The following SNED1 variants were observed in gnomAD, a reference collection of about 807,000 sequenced individuals.
SNED1 encodes the protein sushi, nidogen and EGF like domains 1.
Under a neutral mutation model 166.7 loss-of-function variants are expected in SNED1, and 81 were observed. That is an observed-to-expected ratio of 0.49 (90% CI 0.41 to 0.58). The LOEUF is 0.58. Among genes scored for constraint, SNED1 ranks in the 20% least tolerant of loss-of-function variants. The probability of loss-of-function intolerance (pLI) is 0.00; values close to 1 mark genes in which losing one functional copy is unlikely to be tolerated. For missense variants in SNED1, 1,604 were observed against 2,000.2 expected (o/e 0.80, Z 3.78); for synonymous variants, 762 against 822.0 (o/e 0.93, Z 1.25).
chr2:241,037,528 A>G (rs147453991), intron 6 of SNED1, among the ~76,000 whole-genome samples, 175 bp downstream of exon 6: 162 of 152,278 alleles, frequency 1.1e-3, no homozygotes, highest in African/African-American at 3.7e-3. Flanking sequence ...GGAAAGGCCC[A>G]TATCTGGGTA....
chr2:241,020,831 G>A (rs1317986494), intron 1 of SNED1, among the ~76,000 whole-genome samples: 1 of 152,140 alleles, frequency 6.6e-6, no homozygotes, highest in Non-Finnish European at 1.5e-5. Context: ...CACTGTTTCT[G>A]CAGAAGGGAC....
At chr2:241,057,520 A>G (rs1053429928) in intron 16 of SNED1, among the ~76,000 whole-genome samples, 2 of 150,764 alleles carry the variant, frequency 1.3e-5, no homozygotes, top group East Asian at 3.9e-4. Flanking sequence ...CCAACTCTAC[A>G]AAAAACTTTA....
At position 241,091,701 on chromosome 2, in the gene SNED1, G is replaced by A. The variant is rs889345882; in HGVS notation, c.*65G>A. The stretch of plus-strand genomic sequence containing the variant: ...AGTTTCTAACACCCAGGAAGATGAG[G>A]TCTAAAAACTGGATGAAAAAGGACA... On this transcript the variant is annotated 3_prime_UTR_variant, in exon 32 of 32. Transcript: ENST00000310397. This position sits in a 1 kb window ranked among gnomAD's most constrained non-coding sequence, Gnocchi z 4.1. The A allele has an allele frequency of 2.6e-5, 4 of 152,238 alleles. No homozygotes were observed. Among genetic ancestry groups the A allele is most frequent in the Admixed American group, 6.5e-5 (1 of 15,278 alleles). 9.4% of individuals were successfully genotyped at this position (152,238 alleles called of 1,614,324 possible).
chr2:241,025,187 A>ATT (rs2060918502), intron 1 of SNED1, among the ~76,000 whole-genome samples: 1 of 152,208 alleles, frequency 6.6e-6, no homozygotes, highest in African/African-American at 2.4e-5. Context: ...TAATAGGAGC[A>ATT]CAAACCCTAT....
At chr2:241,029,608 C>T (rs1283854903) in intron 1 of SNED1, among the ~76,000 whole-genome samples, 8 of 152,216 alleles carry the variant, frequency 5.3e-5, no homozygotes, top group African/African-American at 1.7e-4. Flanking sequence ...ACAGAGAGGT[C>T]GGCAGCTGAA....
At chr2:241,024,684 A>ATTTTATTTT (rs1214937392) in intron 1 of SNED1, among the ~76,000 whole-genome samples, 1 of 30,530 alleles carries the variant, frequency 3.3e-5, no homozygotes, top group African/African-American at 2.4e-4. Flanking sequence ...TATTTTATTT[A>ATTTTATTTT]TTTTTGAGAC....
chr2:241,032,625 A>C (rs1023297465), intron 2 of SNED1, among the ~76,000 whole-genome samples: 1 of 152,212 alleles, frequency 6.6e-6, no homozygotes, highest in South Asian at 2.1e-4. Flanking sequence ...CCTAGAACTT[A>C]AAGTATAATA....
Position 241,073,707 on chromosome 2 carries a change from A to G in SNED1, c.3916+343A>G. The G allele has an allele frequency of 2.3e-6, 1 of 437,820 alleles. No homozygotes were observed. Among genetic ancestry groups the G allele is most frequent in the South Asian group, 6.1e-5 (1 of 16,340 alleles). The allele number at this position is 437,820 out of a possible 1,614,324, so 27.1% of individuals were successfully genotyped here. On this transcript the variant is annotated intron_variant, in intron 27 of 31. Transcript: ENST00000310397. The surrounding 1 kb of genome is among the most constrained non-coding windows in gnomAD (Gnocchi z 6.6). ...CCCAGCCCCTGCCTCTGGGCCCCTCACCCCTCACTTCTCCAAAGAGGAGCA... is the reference window on the plus strand; with the variant it reads ...CCCAGCCCCTGCCTCTGGGCCCCTCGCCCCTCACTTCTCCAAAGAGGAGCA...
At chr2:241,040,466 T>C in intron 8 of SNED1, 53 bp downstream of exon 8, 1 of 1,166,634 alleles carries the variant, frequency 8.6e-7, no homozygotes, top group Non-Finnish European at 1.2e-6. Flanking sequence ...CTTTGTGCCG[T>C]GAACACCCCC....
rs2064085774 is a variant in SNED1 at position 241,092,372 on chromosome 2, C to A, written c.*736C>A. 1.3e-5 allele frequency: 2 copies of A among 152,166 alleles called. No individual in the cohort carries two copies. Among genetic ancestry groups the A allele is most frequent in the East Asian group, 1.9e-4 (1 of 5,188 alleles). 9.4% of individuals were successfully genotyped at this position (152,166 alleles called of 1,614,324 possible). A position where few individuals can be genotyped will look rare whatever the true frequency, so the allele number is the denominator to read the frequency against. ...TGTGGCTACAGTAGCGCAGACACAGCCACAGGCATGTCATTGAATGGCTGC... is the reference window on the plus strand; with the variant it reads ...TGTGGCTACAGTAGCGCAGACACAGACACAGGCATGTCATTGAATGGCTGC... On this transcript the variant is annotated 3_prime_UTR_variant, in exon 32 of 32. Transcript: ENST00000310397. The surrounding 1 kb of genome is among the most constrained non-coding windows in gnomAD (Gnocchi z 4.6).
At chr2:241,067,375 C>T (rs969436192) in intron 21 of SNED1, among the ~76,000 whole-genome samples, 3 of 152,222 alleles carry the variant, frequency 2.0e-5, no homozygotes, top group South Asian at 2.1e-4. Flanking sequence ...AGACCAGGCC[C>T]GGATGTGTGC....
Position 241,049,033 on chromosome 2 carries a change from A to G in SNED1, c.1516A>G (p.Met506Val), listed in dbSNP as rs1574983252. ...GLLCEFEITAMPCNMNTQCPD... is the reference protein window; with the variant it reads ...GLLCEFEITAVPCNMNTQCPD... Reference sequence around the variant, plus strand: ...TCCTTTCTCTCTAGAAATCACAGCCATGCCCTGCAACATGAACACACAGTG... The same window carrying G: ...TCCTTTCTCTCTAGAAATCACAGCCGTGCCCTGCAACATGAACACACAGTG... The change falls in exon 11 of 32, where the codon ATG (methionine) becomes GTG (valine). Residue 506 changes from methionine (M) to valine (V), a missense_variant. Transcript: ENST00000310397. The G allele has an allele frequency of 6.2e-7, 1 of 1,612,884 alleles. No individual in the cohort carries two copies. Among genetic ancestry groups the G allele is most frequent in the South Asian group, 1.1e-5 (1 of 90,828 alleles).
At position 241,014,296 on chromosome 2, in the gene SNED1, A is replaced by G. The variant is rs139980489; in HGVS notation, c.213+15246A>G. Among the ~76,000 whole-genome samples the G allele has an allele frequency of 3.9e-3, 597 of 152,288 alleles. 3 individuals carry two copies. The highest frequency in any genetic ancestry group is 0.013 in the African/African-American group (560 of 41,538). ...AGGTGTGAGCCACCATGCCAGGCCT[A>G]GACTACTCTTAACAATGCTGTTTGT... On this transcript the variant is annotated intron_variant, in intron 1 of 31. Transcript: ENST00000310397.
Position 241,062,789 on chromosome 2 carries a change from A to G in SNED1, c.2258-2A>G. ...CTTTATTCTTGGGCTCTCTCCTCTC[A>G]GAAATCGATGAGTGCCGGTCTCAGC... is the stretch of plus-strand genomic sequence containing the variant. On this transcript the variant is annotated splice_acceptor_variant, in intron 16 of 31. Coordinates refer to ENST00000310397, the MANE Select transcript of SNED1 (RefSeq NM_001080437.3). LOFTEE classifies it high-confidence loss of function. 6.2e-7 allele frequency: 1 copy of G among 1,604,678 alleles called. No homozygotes were observed. The highest frequency in any genetic ancestry group is 1.7e-4 in the Middle Eastern group (1 of 6,052).
Position 241,088,580 on chromosome 2 carries a change from G to T in SNED1, c.*1+178G>T, listed in dbSNP as rs2063705148. The T allele has an allele frequency of 8.2e-6, 5 of 607,202 alleles. No homozygotes were observed. The South Asian group carries it at 9.9e-5, about 12-fold the overall frequency. The allele number at this position is 607,202 out of a possible 1,614,324, so 37.6% of individuals were successfully genotyped here. On this transcript the variant is annotated intron_variant, in intron 31 of 31. Coordinates refer to ENST00000310397, the MANE Select transcript of SNED1 (RefSeq NM_001080437.3). Reference sequence around the variant, plus strand: ...CAGGAAGGTTCAGAAGTCCCCAAGGGGAAACAGACATGAACCTGGTCTAGC... The same window carrying T: ...CAGGAAGGTTCAGAAGTCCCCAAGGTGAAACAGACATGAACCTGGTCTAGC...
chr2:241,056,228 C>T (rs1446443887), intron 16 of SNED1, among the ~76,000 whole-genome samples: 1 of 151,998 alleles, frequency 6.6e-6, no homozygotes, highest in African/African-American at 2.4e-5. Context: ...AAAAAAGTAA[C>T]AAAATAGAAA....
chr2:241,065,022 A>T, intron 20 of SNED1, 65 bp downstream of exon 20: 1 of 1,261,976 alleles, frequency 7.9e-7, no homozygotes, highest in Non-Finnish European at 1.1e-6. Flanking sequence ...AGAGGGCCCA[A>T]CGGTCTCCAA....
At position 241,033,781 on chromosome 2, in the gene SNED1, T is replaced by C. The variant is rs1296721582; in HGVS notation, c.548T>C (p.Phe183Ser). The change falls in exon 3 of 32, where the codon TTC becomes TCC. Residue 183 changes from phenylalanine (F) to serine (S), a missense_variant. Coordinates refer to ENST00000310397, the MANE Select transcript of SNED1 (RefSeq NM_001080437.3). ...TVLITDGKLS[F>S]TIFNYESIVW... ...CTCATCACAGACGGCAAGCTCTCCT[T>C]CACCATCTTCAACTATGAGTCCATC... 7 of 1,611,888 alleles carry C rather than the reference T, an allele frequency of 4.3e-6. No homozygotes were observed. The highest frequency in any genetic ancestry group is 5.1e-6 in the Non-Finnish European group (6 of 1,179,546).
rs1197450916 is a variant in SNED1 at position 241,051,823 on chromosome 2, C to G, written c.1815C>G (p.Ser605Arg). Residue 605 changes from serine (S) to arginine (R), a missense_variant, in exon 13 of 32, where the codon AGC (serine) becomes AGG (arginine). This residue lies in a region of SNED1 where 1,237 missense variants were observed against 1,620.8 expected (regional missense o/e 0.76). Coordinates refer to ENST00000310397, the MANE Select transcript of SNED1 (RefSeq NM_001080437.3). This position sits in a 1 kb window ranked among gnomAD's most constrained non-coding sequence, Gnocchi z 4.7. ...AGGCGGGCGGCGAGTACCACTGCAG[C>G]TGCCCCTACCGCTTCACTGGGAGGC... is the stretch of plus-strand genomic sequence containing the variant. ...CKEAGGEYHCSCPYRFTGRHC... is the reference protein window; with the variant it reads ...CKEAGGEYHCRCPYRFTGRHC... 6.4e-7 allele frequency: 1 copy of G among 1,562,110 alleles called. No homozygotes were observed. Among genetic ancestry groups the G allele is most frequent in the Non-Finnish European group, 8.7e-7 (1 of 1,153,976 alleles).
Sources: allele counts gnomAD v4.1 joint callset (sites outside exome capture counted in the v4.1 genomes callset), GRCh38; gene constraint gnomAD v4.1.1; regional missense constraint gnomAD v4.1.1; non-coding constraint Gnocchi (gnomAD v3.1); transcripts MANE v1.5; gene names NCBI Gene and HGNC (gene_info 2026-07-23, HGNC 2026-07-21).